The following SPOPL variants were observed in gnomAD, a reference collection of about 807,000 sequenced individuals.
SPOPL encodes speckle type BTB/POZ protein like, also known as speckle-type POZ protein-like.
In SPOPL, 23 loss-of-function variants were observed where a neutral mutation model predicts 53.8. The ratio of observed to expected loss-of-function variants is 0.43; its 90% CI spans 0.31 to 0.61. The LOEUF is 0.61. SPOPL is among the 20% of genes least tolerant of loss of function. SPOPL has a pLI of 0.12. For missense variants in SPOPL, 442 were observed against 466.9 expected (o/e 0.95, Z 0.49); for synonymous variants, 164 against 149.7 (o/e 1.10, Z -0.70).
intron 7 of SPOPL, 33 bp downstream of exon 7, chr2:138,559,370 A>G: frequency 6.4e-7 from 1 of 1,572,468 alleles, no homozygotes; most frequent in Non-Finnish European, 8.6e-7. Context: ...TATTGAATTT[A>G]TATAAACGTA....
At chr2:138,527,076 C>G (rs1684692605) in intron 1 of SPOPL, among the ~76,000 whole-genome samples, 1 of 152,116 alleles carries the variant, frequency 6.6e-6, no homozygotes, top group African/African-American at 2.4e-5. Flanking sequence ...GCATTTACCC[C>G]TTGCCTTAAT....
At chr2:138,520,771 C>G (rs1684539302) in intron 1 of SPOPL, among the ~76,000 whole-genome samples, 1 of 152,192 alleles carries the variant, frequency 6.6e-6, no homozygotes, top group Non-Finnish European at 1.5e-5. Flanking sequence ...CACCTAACTG[C>G]TAGTCTGGCC....
intron 1 of SPOPL, among the ~76,000 whole-genome samples, chr2:138,503,678 A>G (rs1484576479): frequency 1.3e-5 from 2 of 152,200 alleles, no homozygotes; most frequent in Non-Finnish European, 1.5e-5. Context: ...TCAGATGTCT[A>G]TTTGGAACTT....
At chr2:138,545,939 T>C (rs964190680) in intron 1 of SPOPL, among the ~76,000 whole-genome samples, 1 of 152,208 alleles carries the variant, frequency 6.6e-6, no homozygotes, top group Non-Finnish European at 1.5e-5. Flanking sequence ...TTAAAGAATG[T>C]CAAGAAATTT....
At chr2:138,539,870 T>G (rs1415842143) in intron 1 of SPOPL, among the ~76,000 whole-genome samples, 1 of 152,242 alleles carries the variant, frequency 6.6e-6, no homozygotes, top group Non-Finnish European at 1.5e-5. Flanking sequence ...TTCTAGGGTT[T>G]TTATGGTTTT....
intron 2 of SPOPL, 75 bp downstream of exon 2, chr2:138,550,369 C>A: frequency 1.3e-6 from 2 of 1,593,794 alleles, no homozygotes; most frequent in Non-Finnish European, 1.7e-6. Flanking sequence ...TATTGTGAAA[C>A]ACTTTGCCAT....
intron 1 of SPOPL, among the ~76,000 whole-genome samples, chr2:138,506,073 A>G (rs1294754172): frequency 6.6e-6 from 1 of 152,204 alleles, no homozygotes; most frequent in Non-Finnish European, 1.5e-5. Context: ...AGCAATAGGA[A>G]GCCACCAGAG....
Position 138,501,991 on chromosome 2 carries a change from C to T in SPOPL, c.-189C>T, listed in dbSNP as rs2104848136. ...GATGCGGTTCGGCGGAGGCGGCCGC[C>T]ACAGGGACTTGCCGCCATCACCCCT... On this transcript the variant is annotated 5_prime_UTR_variant, in exon 1 of 11. Transcript: ENST00000280098. The T allele has an allele frequency of 6.6e-6, 1 of 152,614 alleles. No individual in the cohort carries two copies. The highest frequency in any genetic ancestry group is 1.9e-4 in the East Asian group (1 of 5,172). The allele number at this position is 152,614 out of a possible 1,614,324, so 9.5% of individuals were successfully genotyped here.
chr2:138,516,977 A>C (rs1403635608), intron 1 of SPOPL, among the ~76,000 whole-genome samples: 4 of 152,250 alleles, frequency 2.6e-5, no homozygotes, highest in Non-Finnish European at 5.9e-5. Flanking sequence ...CGTAAATGCT[A>C]GACAAATGTG....
At chr2:138,545,558 C>T (rs903967041) in intron 1 of SPOPL, among the ~76,000 whole-genome samples, 15 of 151,900 alleles carry the variant, frequency 9.9e-5, no homozygotes, top group African/African-American at 2.9e-4. Flanking sequence ...CTCAGCCTCC[C>T]GAGTAGCTGG....
chr2:138,525,400 T>G (rs2104867851), intron 1 of SPOPL, among the ~76,000 whole-genome samples: 1 of 152,282 alleles, frequency 6.6e-6, no homozygotes, highest in South Asian at 2.1e-4. Context: ...CCAAACTGTA[T>G]CAGGGTGGTA....
rs532316765 is a variant in SPOPL at position 138,569,569 on chromosome 2, T to C, written c.*489T>C. ...ATCTCCAATCTAAGTTCTATAAATATGGGAGAACCCTCTTACCTTCAAGGT... is the reference window on the plus strand; with the variant it reads ...ATCTCCAATCTAAGTTCTATAAATACGGGAGAACCCTCTTACCTTCAAGGT... On this transcript the variant is annotated 3_prime_UTR_variant, in exon 11 of 11. Coordinates refer to ENST00000280098, the MANE Select transcript of SPOPL (RefSeq NM_001001664.3). 6.6e-6 allele frequency: 1 copy of C among 152,444 alleles called. No individual in the cohort carries two copies. Among genetic ancestry groups the C allele is most frequent in the Non-Finnish European group, 1.5e-5 (1 of 68,134 alleles). 9.4% of individuals were successfully genotyped at this position (152,444 alleles called of 1,614,324 possible).
At chr2:138,510,203 T>C (rs982588867) in intron 1 of SPOPL, among the ~76,000 whole-genome samples, 3 of 152,220 alleles carry the variant, frequency 2.0e-5, no homozygotes, top group Admixed American at 2.0e-4. Context: ...GGTTTTTGTG[T>C]AGACATAAGT....
intron 1 of SPOPL, among the ~76,000 whole-genome samples, chr2:138,512,184 A>G (rs2104856708): frequency 6.6e-6 from 1 of 152,342 alleles, no homozygotes; most frequent in South Asian, 2.1e-4. Flanking sequence ...TTATTAAATC[A>G]TTAAAATATT....
At chr2:138,568,061 T>C (rs145518016) in intron 10 of SPOPL, among the ~76,000 whole-genome samples, 2 of 152,134 alleles carry the variant, frequency 1.3e-5, no homozygotes, top group East Asian at 3.9e-4. Context: ...AACTTGGATA[T>C]GGGCAGTGGG....
At chr2:138,555,158 G>GTGTGTT (rs961713476) in intron 5 of SPOPL, among the ~76,000 whole-genome samples, 1 of 151,406 alleles carries the variant, frequency 6.6e-6, no homozygotes, top group Non-Finnish European at 1.5e-5. Context: ...GTGTGTGTGT[G>GTGTGTT]TGTGTGTGTG....
chr2:138,502,291 C>T (rs1684119033), intron 1 of SPOPL, among the ~76,000 whole-genome samples, 172 bp downstream of exon 1: 3 of 152,238 alleles, frequency 2.0e-5, no homozygotes, highest in Admixed American at 2.0e-4. Flanking sequence ...TGGGGACTAC[C>T]TCCCACGCCC....
intron 10 of SPOPL, among the ~76,000 whole-genome samples, chr2:138,566,233 A>G (rs963710606): frequency 2.0e-5 from 3 of 152,088 alleles, no homozygotes; most frequent in Admixed American, 6.5e-5. Flanking sequence ...GTATGCTAAT[A>G]TGATATCATT....
Position 138,558,952 on chromosome 2 carries a change from AG to A in SPOPL, c.481-69del. 3 of 1,300,020 alleles carry A rather than the reference AG, an allele frequency of 2.3e-6. No individual in the cohort carries two copies. The Middle Eastern group carries it at 8.6e-4, about 372-fold the overall frequency. 80.5% of individuals were successfully genotyped at this position (1,300,020 alleles called of 1,614,324 possible). A position where few individuals can be genotyped will look rare whatever the true frequency, so the allele number is the denominator to read the frequency against. On this transcript the variant is annotated intron_variant, in intron 5 of 10. Transcript: ENST00000280098. ...AATAAGCTTAAACATAAAAAATTGAAGTATGGACTTAAACTAATTACTGATA... is the reference window on the plus strand; with the variant it reads ...AATAAGCTTAAACATAAAAAATTGAATATGGACTTAAACTAATTACTGATA...
Sources: gnomAD v4.1 joint callset for allele counts (sites outside exome capture counted in the v4.1 genomes callset) on GRCh38, gnomAD v4.1.1 for gene constraint, MANE v1.5 for transcripts, NCBI Gene and HGNC (gene_info 2026-07-23, HGNC 2026-07-21) for gene names.